The following ACAD10 variants were observed in gnomAD, a reference collection of about 807,000 sequenced individuals.
ACAD10 encodes acyl-CoA dehydrogenase family member 10.
In ACAD10, 112 loss-of-function variants were observed where a neutral mutation model predicts 116.8. The ratio of observed to expected loss-of-function variants is 0.96; its 90% confidence interval spans 0.82 to 1.12. ACAD10 has a LOEUF of 1.12. Ranked by LOEUF, ACAD10 falls within the 50% of genes most tolerant of loss-of-function variation. The pLI is 0.00. For missense variants in ACAD10, 1,259 were observed against 1,350.2 expected (o/e 0.93, Z 1.06); for synonymous variants, 486 against 510.6 (o/e 0.95, Z 0.65).
chr12:111,720,061 G>T (rs371780020), intron 7 of ACAD10, among the ~76,000 whole-genome samples: 1 of 151,916 alleles, frequency 6.6e-6, no homozygotes, highest in African/African-American at 2.4e-5. Context: ...ATGGGGTTTC[G>T]CCGTATTGGC....
At chr12:111,720,183 A>G (rs1267117129) in intron 7 of ACAD10, among the ~76,000 whole-genome samples, 2 of 152,104 alleles carry the variant, frequency 1.3e-5, no homozygotes, top group Non-Finnish European at 2.9e-5. Flanking sequence ...TTTTTATTGA[A>G]ATTTTTTGAG....
rs183834332 is a variant in ACAD10, at chr12:111,729,801, C to T, written c.1244-5C>T. ...CACACCAAGTTCTAATCCTATTTCC[C>T]GCAGGGGACTATATTCCACGCCAGG... On this transcript the variant is annotated splice_region_variant and splice_polypyrimidine_tract_variant and intron_variant, in intron 9 of 20. Coordinates refer to ENST00000313698, the MANE Select transcript of ACAD10 (RefSeq NM_025247.6). 9 of 1,610,874 alleles carry T rather than the reference C, an allele frequency of 5.6e-6. No homozygotes were observed. In the Admixed American group the frequency reaches 6.7e-5, roughly 12 times the overall value.
intron 2 of ACAD10, among the ~76,000 whole-genome samples, chr12:111,695,014 T>C (rs753347969): frequency 2.2e-4 from 33 of 152,152 alleles, no homozygotes; most frequent in Non-Finnish European, 2.9e-5. Context: ...GGTGACAAAG[T>C]GAGACCCTGT....
intron 3 of ACAD10, among the ~76,000 whole-genome samples, chr12:111,704,267 G>A (rs1003963723): frequency 4.7e-5 from 7 of 150,514 alleles, no homozygotes; most frequent in Admixed American, 2.0e-4. Context: ...TCAGCCTCCC[G>A]AGTAGCTGGG....
chr12:111,687,829 T>C lies in ACAD10; in HGVS notation c.-14+1590T>C, dbSNP rs968070304. On this transcript the variant is annotated intron_variant, in intron 1 of 20. Transcript: ENST00000313698. ...GGAACTGAAATTCAGGCAATCTGAA[T>C]CCAGAACGAACATTCTTTATCTCTT... 5.3e-5 allele frequency among the ~76,000 whole-genome samples: 8 copies of C among 152,082 alleles called. No homozygotes were observed. The East Asian group carries it at 1.5e-3, about 29-fold the overall frequency.
chr12:111,698,924 G>A (rs1327374973), intron 2 of ACAD10, among the ~76,000 whole-genome samples: 1 of 151,690 alleles, frequency 6.6e-6, no homozygotes, highest in Non-Finnish European at 1.5e-5. Flanking sequence ...CTGCCACTCA[G>A]GCTAAAGTGC....
intron 13 of ACAD10, chr12:111,745,422 A>T (rs1889865210): frequency 1.0e-5 from 3 of 294,096 alleles, no homozygotes; most frequent in Non-Finnish European, 1.9e-5. Flanking sequence ...GGCCAGATCC[A>T]CTGTGAGCTG....
In ACAD10 at chr12:111,729,970, C is replaced by A; in HGVS notation, c.1394+14C>A. ...CGGGGACTTCAGGTAGATGTGGTGG[C>A]AGGGAGAGCTGAAAAATGACAGCAA... On this transcript the variant is annotated intron_variant, in intron 10 of 20. Coordinates refer to ENST00000313698, the MANE Select transcript of ACAD10 (RefSeq NM_025247.6). 1 of 1,610,994 alleles carries A rather than the reference C, an allele frequency of 6.2e-7. No individual in the cohort carries two copies. Among genetic ancestry groups the A allele is most frequent in the Non-Finnish European group, 8.5e-7 (1 of 1,178,070 alleles).
At chr12:111,749,417 C>T (rs1890008550) in intron 18 of ACAD10, 72 bp downstream of exon 18, 2 of 1,540,128 alleles carry the variant, frequency 1.3e-6, no homozygotes, top group South Asian at 2.4e-5. Flanking sequence ...GACTTCAATT[C>T]CTACCTGTTT....
chr12:111,740,199 C>T (rs1758103462), intron 12 of ACAD10, among the ~76,000 whole-genome samples: 1 of 152,288 alleles, frequency 6.6e-6, no homozygotes, highest in Non-Finnish European at 1.5e-5. Flanking sequence ...CATGATGGCT[C>T]ACGCCGGTAA....
intron 12 of ACAD10, among the ~76,000 whole-genome samples, chr12:111,743,411 C>G (rs1488281258): frequency 2.6e-5 from 4 of 151,208 alleles, no homozygotes; most frequent in Non-Finnish European, 4.4e-5. Flanking sequence ...CTCTGTTGCC[C>G]AGGCAACCTC....
intron 12 of ACAD10, among the ~76,000 whole-genome samples, chr12:111,737,954 G>T (rs1378643627): frequency 6.6e-6 from 1 of 151,924 alleles, no homozygotes; most frequent in African/African-American, 2.4e-5. Flanking sequence ...ACCAGCTCAA[G>T]CAATTCTCAT....
intron 11 of ACAD10, among the ~76,000 whole-genome samples, 185 bp from the exon 12 acceptor site, chr12:111,736,646 A>T (rs1201283401): frequency 1.3e-5 from 2 of 152,196 alleles, no homozygotes; most frequent in Non-Finnish European, 2.9e-5. Context: ...GTGAATAATG[A>T]CTTCATGCCT....
At chr12:111,747,700 T>C (rs1169475861) in intron 16 of ACAD10, 1 of 1,160,676 alleles carries the variant, frequency 8.6e-7, no homozygotes, top group Non-Finnish European at 1.1e-6. Context: ...TCCCCTTCCT[T>C]GGTGGCTTCC....
At chr12:111,717,332 G>C (rs1593030494) in intron 7 of ACAD10, among the ~76,000 whole-genome samples, 2 of 140,878 alleles carry the variant, frequency 1.4e-5, no homozygotes, top group East Asian at 4.3e-4. Flanking sequence ...CACTCACAAA[G>C]TGAGACCCTG....
intron 5 of ACAD10, chr12:111,710,063 G>A: frequency 3.1e-6 from 1 of 326,226 alleles, no homozygotes; most frequent in Non-Finnish European, 5.9e-6. Flanking sequence ...GCCATGTGAG[G>A]GGGTCTCATG....
chr12:111,745,367 G>A, intron 13 of ACAD10: 1 of 402,440 alleles, frequency 2.5e-6, no homozygotes, highest in Non-Finnish European at 4.4e-6. Context: ...TGCTGTATCA[G>A]CTAATAAATC....
chr12:111,710,599 A>G (rs934907187), intron 5 of ACAD10, among the ~76,000 whole-genome samples: 2 of 151,736 alleles, frequency 1.3e-5, no homozygotes, highest in Non-Finnish European at 2.9e-5. Flanking sequence ...GGTTCAAGCA[A>G]TTCTCGTGTG....
chr12:111,704,376 G>A (rs1888436788), intron 3 of ACAD10, among the ~76,000 whole-genome samples: 1 of 152,100 alleles, frequency 6.6e-6, no homozygotes, highest in African/African-American at 2.4e-5. Flanking sequence ...TCTTGACCTT[G>A]TGATCCGCCC....
Sources: gnomAD v4.1 joint callset for allele counts (sites outside exome capture counted in the v4.1 genomes callset) on GRCh38, gnomAD v4.1.1 for gene constraint, MANE v1.5 for transcripts, NCBI Gene and HGNC (gene_info 2026-07-23, HGNC 2026-07-21) for gene names.